Variants in STK32C observed in about 807,000 individuals in gnomAD.
STK32C encodes the protein serine/threonine-protein kinase 32C.
STK32C carries 31 observed loss-of-function variants against 56.5 expected under a neutral mutation model. The ratio of observed to expected loss-of-function variants is 0.55; its 90% CI spans 0.41 to 0.74. STK32C has a LOEUF of 0.74. Among genes scored for constraint, STK32C ranks in the 30% least tolerant of loss-of-function variants. STK32C has a pLI of 0.00. For missense variants in STK32C, 544 were observed against 676.9 expected, an observed-to-expected ratio of 0.80 and a Z score of 2.18; for synonymous variants, 309 against 289.4, an observed-to-expected ratio of 1.07 and a Z score of -0.69.
At position 132,281,240 on chromosome 10, in the gene STK32C, C is replaced by T. The variant is rs998570000; in HGVS notation, c.262+26332G>A. Among the ~76,000 whole-genome samples the T allele has an allele frequency of 2.0e-5, 3 of 151,944 alleles. No homozygotes were observed. In the East Asian group the frequency reaches 5.9e-4, roughly 30 times the overall value. ...GTGCATAGACAGAGTGACCTTCAGG[C>T]CCCATCTTTTGCTTCTCTAGACTAT... On this transcript the variant is annotated intron_variant, in intron 1 of 11. Transcript: ENST00000298630.
In STK32C at chr10:132,225,100, G is replaced by A. The variant is rs1253052011; in HGVS notation, c.876+133C>T. ...TCACCAACTACACACTTCGATAAAA[G>A]CGTGACTCCTCAGACACAGTGGAGA... On this transcript the variant is annotated intron_variant, in intron 7 of 11. Transcript: ENST00000298630. 3.1e-5 allele frequency: 21 copies of A among 676,916 alleles called. No individual in the cohort carries two copies. In the Admixed American group the frequency reaches 3.2e-4, roughly 10 times the overall value. The allele number at this position is 676,916 out of a possible 1,614,324, so 41.9% of individuals were successfully genotyped here. A position where few individuals can be genotyped will look rare whatever the true frequency, so the allele number is the denominator to read the frequency against.
chr10:132,238,547 G>A (rs1157935388), intron 2 of STK32C, among the ~76,000 whole-genome samples: 1 of 152,212 alleles, frequency 6.6e-6, no homozygotes, highest in African/African-American at 2.4e-5. Context: ...GGCCTGCCCT[G>A]GTTGTCTGGG....
chr10:132,305,672 G>A (rs1364312051), intron 1 of STK32C, among the ~76,000 whole-genome samples: 2 of 152,104 alleles, frequency 1.3e-5, no homozygotes, highest in African/African-American at 4.8e-5. Flanking sequence ...CCACCAACAC[G>A]AGTCCCCGGC....
At position 132,225,257 on chromosome 10, in the gene STK32C, C is replaced by T; in HGVS notation, c.852G>A (p.Met284Ile). The stretch of plus-strand genomic sequence containing the variant: ...CCCATCCTCGCAGCAGCTCATAGGC[C>T]ATCACCCCCACCGACCACCAGTCCA... ...FEVDWWSVGV[M>I]AYELLRGWRP... Residue 284 changes from methionine (M) to isoleucine (I), a missense_variant, in exon 7 of 12, where the codon ATG (methionine) becomes ATA (isoleucine). Physicochemically the swap from Met to Ile is conservative, Grantham distance 10. This residue lies in a region of STK32C where 277 missense variants were observed against 309.3 expected (regional missense o/e 0.90). Coordinates refer to ENST00000298630, the MANE Select transcript of STK32C (RefSeq NM_173575.4). 3 of 1,611,800 alleles carry T rather than the reference C, an allele frequency of 1.9e-6. No individual in the cohort carries two copies. Among genetic ancestry groups the T allele is most frequent in the Non-Finnish European group, 2.5e-6 (3 of 1,179,254 alleles).
chr10:132,279,897 AC>A (rs1590371857), intron 1 of STK32C, among the ~76,000 whole-genome samples: 1 of 137,482 alleles, frequency 7.3e-6, no homozygotes, highest in East Asian at 2.2e-4. Context: ...GTGCTCCATG[AC>A]CATGCCCCTA....
At chr10:132,282,081 G>A (rs890494237) in intron 1 of STK32C, among the ~76,000 whole-genome samples, 6 of 152,236 alleles carry the variant, frequency 3.9e-5, no homozygotes, top group African/African-American at 1.2e-4. Context: ...CAGCCGCTCC[G>A]GGGGTGGGGG....
chr10:132,331,576 G>A (rs115195531), exon 1 of STK32C: 23 of 1,612,816 alleles, frequency 1.4e-5, no homozygotes, highest in Non-Finnish European at 1.9e-5. Flanking sequence ...AGTGGCTCCA[G>A]GAAGCCCCAG....
At chr10:132,303,160 C>T (rs536988092) in intron 1 of STK32C, among the ~76,000 whole-genome samples, 5 of 152,310 alleles carry the variant, frequency 3.3e-5, no homozygotes, top group East Asian at 3.9e-4. Flanking sequence ...TGAGGGGCTG[C>T]GTGGGAGGCC....
upstream of STK32C, chr10:132,332,073 G>GCGCGCAGGCGCACCACACCCCT (rs1484306494): frequency 3.9e-6 from 1 of 254,796 alleles, no homozygotes; most frequent in African/African-American, 2.3e-5. Context: ...GCACACCCCC[G>GCGCGCAGGCGCACCACACCCCT]CGCGCAGGCG....
chr10:132,326,909 A>T (rs1452727751), intron 1 of STK32C, among the ~76,000 whole-genome samples: 1 of 152,248 alleles, frequency 6.6e-6, no homozygotes, highest in Admixed American at 6.5e-5. Flanking sequence ...ACAATGTAGA[A>T]GAATATTAAT....
At chr10:132,240,259 C>A (rs1022821083) in intron 2 of STK32C, among the ~76,000 whole-genome samples, 1 of 152,254 alleles carries the variant, frequency 6.6e-6, no homozygotes, top group Non-Finnish European at 1.5e-5. Context: ...TGCAGCGAGT[C>A]CCCCCGATGG....
intron 1 of STK32C, among the ~76,000 whole-genome samples, chr10:132,288,948 A>G (rs940672265): frequency 6.6e-6 from 1 of 152,250 alleles, no homozygotes; most frequent in South Asian, 2.1e-4. Context: ...ATATAAATTG[A>G]CAAGTTTATA....
intron 2 of STK32C, among the ~76,000 whole-genome samples, chr10:132,228,972 G>A (rs1286557418): frequency 1.3e-5 from 2 of 152,212 alleles, no homozygotes; most frequent in African/African-American, 4.8e-5. Context: ...ATGGATCATC[G>A]GTGTCAACAC....
intron 1 of STK32C, among the ~76,000 whole-genome samples, chr10:132,249,591 G>T (rs903105418): frequency 1.3e-5 from 2 of 152,126 alleles, no homozygotes; most frequent in African/African-American, 4.8e-5. Context: ...GTGAGTCAGG[G>T]GCACTGGCAG....
At chr10:132,259,871 G>C (rs370193669) in intron 1 of STK32C, among the ~76,000 whole-genome samples, 3 of 152,198 alleles carry the variant, frequency 2.0e-5, no homozygotes, top group African/African-American at 7.2e-5. Context: ...TCACAGGGCC[G>C]GTTGCCTGAA....
At chr10:132,253,525 CG>C (rs1426437356) in intron 1 of STK32C, among the ~76,000 whole-genome samples, 19 of 98,104 alleles carry the variant, frequency 1.9e-4, no homozygotes, top group East Asian at 6.6e-4. Flanking sequence ...CTGAGGGAGC[CG>C]GAGGGAGCTG....
chr10:132,222,725 G>T lies in STK32C; in HGVS notation c.1167C>A (p.Ile389=). The change falls in exon 10 of 12, where the codon ATC becomes ATA. Residue 389 remains isoleucine, a synonymous_variant. Coordinates refer to ENST00000298630, the MANE Select transcript of STK32C (RefSeq NM_173575.4). ...CDPTFELEEM[I]LESRPLHKKK... ...TCTTGTGCAGGGGCCTGGACTCCAG[G>T]ATCATCTCCTCCAGCTCAAAGGTGG... The T allele has an allele frequency of 6.2e-7, 1 of 1,610,802 alleles. No homozygotes were observed. The highest frequency in any genetic ancestry group is 2.2e-5 in the East Asian group (1 of 44,790).
intron 1 of STK32C, among the ~76,000 whole-genome samples, chr10:132,278,188 T>G (rs1030963577): frequency 2.0e-5 from 3 of 152,100 alleles, no homozygotes; most frequent in African/African-American, 7.2e-5. Context: ...GAAAGAGACC[T>G]GGAGACACTA....
At chr10:132,233,013 G>A (rs895956595) in intron 2 of STK32C, among the ~76,000 whole-genome samples, 4 of 152,158 alleles carry the variant, frequency 2.6e-5, no homozygotes, top group South Asian at 2.1e-4. Flanking sequence ...GCCTCTAAAC[G>A]GTATAATGAA....
Sources: gnomAD v4.1 joint callset for allele counts (sites outside exome capture counted in the v4.1 genomes callset) on GRCh38, gnomAD v4.1.1 for gene constraint, gnomAD v4.1.1 regional missense constraint, MANE v1.5 for transcripts, NCBI Gene and HGNC (gene_info 2026-07-23, HGNC 2026-07-21) for gene names.